The following POTEC variants were observed in gnomAD, a reference collection of about 807,000 sequenced individuals.
POTEC encodes the protein POTE ankyrin domain family member C.
In POTEC, 35 loss-of-function variants were observed where a neutral mutation model predicts 62.0. The ratio of observed to expected loss-of-function variants is 0.56; its 90% CI spans 0.43 to 0.75. The LOEUF is 0.75. Among genes scored for constraint, POTEC ranks in the 30% least tolerant of loss-of-function variants. POTEC has a pLI of 0.00. For synonymous variants in POTEC, 156 were observed against 221.5 expected (o/e 0.70, Z 2.62); for missense variants, 472 against 655.9 (o/e 0.72, Z 3.06).
At chr18:14,527,293 A>C (rs1567912782) in intron 6 of POTEC, among the ~76,000 whole-genome samples, 2 of 152,178 alleles carry the variant, frequency 1.3e-5, no homozygotes, top group Non-Finnish European at 2.9e-5. Flanking sequence ...TAAAGGAAGA[A>C]CAGAAAAATG....
rs530467322 is a variant in POTEC at position 14,534,671 on chromosome 18, AC to A, written c.917+229del. Among the ~76,000 whole-genome samples, 463 of 149,996 alleles carry A rather than the reference AC, an allele frequency of 3.1e-3. 3 individuals carry two copies. Among genetic ancestry groups the A allele is most frequent in the Middle Eastern group, 6.8e-3 (2 of 294 alleles). ...CTAACATAAGATCATGTAACCAAAA[AC>A]ATCATACAACAAATAACATCAGTCA... On this transcript the variant is annotated intron_variant, in intron 4 of 10. Transcript: ENST00000358970.
At chr18:14,530,046 C>A (rs1192823757) in intron 6 of POTEC, among the ~76,000 whole-genome samples, 2 of 151,954 alleles carry the variant, frequency 1.3e-5, no homozygotes, top group Non-Finnish European at 2.9e-5. Flanking sequence ...CTTACGGCCA[C>A]ACCCCATGGC....
In POTEC at chr18:14,511,732, C is replaced by CA; in HGVS notation, c.*165dup. 2.8e-6 allele frequency: 2 copies of CA among 705,608 alleles called. No homozygotes were observed. Among genetic ancestry groups the CA allele is most frequent in the Non-Finnish European group, 5.1e-6 (2 of 395,884 alleles). The allele number at this position is 705,608 out of a possible 1,614,324, so 43.7% of individuals were successfully genotyped here. On this transcript the variant is annotated 3_prime_UTR_variant, in exon 11 of 11. Coordinates refer to ENST00000358970, the MANE Select transcript of POTEC (RefSeq NM_001137671.2). ...TCTCCAGTTCAGAACTGAGCATTCT[C>CA]AGTTGTCAAAATCCTAAGCTGTCCA...
chr18:14,513,590 T>C (rs1334087806), intron 10 of POTEC, 72 bp downstream of exon 10: 5 of 1,521,476 alleles, frequency 3.3e-6, no homozygotes, highest in Non-Finnish European at 4.4e-6. Flanking sequence ...AAATCCTTTA[T>C]ACCTTCCAAA....
At chr18:14,528,977 GTTC>G (rs1910509195) in intron 6 of POTEC, 1 of 454,232 alleles carries the variant, frequency 2.2e-6, no homozygotes, top group Non-Finnish European at 4.4e-6. Flanking sequence ...CTCATTAGAT[GTTC>G]TTCTGGCAAA....
At chr18:14,520,179 C>A (rs567315953) in intron 9 of POTEC, among the ~76,000 whole-genome samples, 4 of 152,182 alleles carry the variant, frequency 2.6e-5, no homozygotes, top group African/African-American at 9.6e-5. Context: ...AAGTAATAGA[C>A]AAATAGTTTC....
In POTEC at chr18:14,511,635, G is replaced by A; in HGVS notation, c.*263C>T. 1.8e-6 allele frequency: 1 copy of A among 555,080 alleles called. No homozygotes were observed. The highest frequency in any genetic ancestry group is 3.2e-6 in the Non-Finnish European group (1 of 312,550). The allele number at this position is 555,080 out of a possible 1,614,324, so 34.4% of individuals were successfully genotyped here. A position where few individuals can be genotyped will look rare whatever the true frequency, so the allele number is the denominator to read the frequency against. Reference sequence around the variant, plus strand: ...GCTATCTGACTTTGATCACAATCATGTAGAGCAGTAGTCAGTCTACAATGA... The same window carrying A: ...GCTATCTGACTTTGATCACAATCATATAGAGCAGTAGTCAGTCTACAATGA... On this transcript the variant is annotated 3_prime_UTR_variant, in exon 11 of 11. Transcript: ENST00000358970.
At chr18:14,516,445 G>A (rs1457546100) in intron 9 of POTEC, among the ~76,000 whole-genome samples, 12 of 130,376 alleles carry the variant, frequency 9.2e-5, no homozygotes, top group Non-Finnish European at 1.6e-4. Flanking sequence ...GAAGGTAAAG[G>A]GGAAGCAGGC....
Position 14,543,300 on chromosome 18 carries a change from T to C in POTEC, c.-154A>G, listed in dbSNP as rs1392051742. 2 of 1,340,916 alleles carry C rather than the reference T, an allele frequency of 1.5e-6. No individual in the cohort carries two copies. Among genetic ancestry groups the C allele is most frequent in the Non-Finnish European group, 1.0e-6 (1 of 988,012 alleles). The allele number at this position is 1,340,916 out of a possible 1,614,324, so 83.1% of individuals were successfully genotyped here. On this transcript the variant is annotated 5_prime_UTR_variant, in exon 1 of 11. Coordinates refer to ENST00000358970, the MANE Select transcript of POTEC (RefSeq NM_001137671.2). Reference sequence around the variant, plus strand: ...TGCCAACCCCAGCAAGGGAGCCCAGTCCACCCCACCCAGGGAAAACCCACA... The same window carrying C: ...TGCCAACCCCAGCAAGGGAGCCCAGCCCACCCCACCCAGGGAAAACCCACA...
chr18:14,515,744 T>C (rs192425262), intron 9 of POTEC, among the ~76,000 whole-genome samples: 10,081 of 151,678 alleles, frequency 0.066, 362 homozygotes, highest in Middle Eastern at 0.11. Context: ...CAACAACCTA[T>C]ACAATGGGGA....
At chr18:14,527,385 G>T (rs1910465368) in intron 6 of POTEC, among the ~76,000 whole-genome samples, 1 of 152,064 alleles carries the variant, frequency 6.6e-6, no homozygotes, top group African/African-American at 2.4e-5. Flanking sequence ...TGATTTTTTA[G>T]AAGTCAGAAC....
At position 14,543,342 on chromosome 18, in the gene POTEC, C is replaced by T; in HGVS notation, c.-196G>A. 1.0e-6 allele frequency: 1 copy of T among 972,400 alleles called. No homozygotes were observed. The highest frequency in any genetic ancestry group is 1.5e-6 in the Non-Finnish European group (1 of 667,252). 60.2% of individuals were successfully genotyped at this position (972,400 alleles called of 1,614,324 possible). A position where few individuals can be genotyped will look rare whatever the true frequency, so the allele number is the denominator to read the frequency against. ...AAACCCACACCCACCCGGGGAAAGC[C>T]CACGCCCACCAGGGGGACCCAACGC... On this transcript the variant is annotated 5_prime_UTR_variant, in exon 1 of 11. Transcript: ENST00000358970.
At position 14,543,239 on chromosome 18, in the gene POTEC, T is replaced by C. The variant is rs1598483468; in HGVS notation, c.-93A>G. On this transcript the variant is annotated 5_prime_UTR_variant, in exon 1 of 11. Coordinates refer to ENST00000358970, the MANE Select transcript of POTEC (RefSeq NM_001137671.2). Reference sequence around the variant, plus strand: ...CTAGCAGGAAACCCTGGGTTTCCAATCTGTTTGAAGAGAAAGGTCAATCCC... The same window carrying C: ...CTAGCAGGAAACCCTGGGTTTCCAACCTGTTTGAAGAGAAAGGTCAATCCC... 3.3e-6 allele frequency: 5 copies of C among 1,535,850 alleles called. No homozygotes were observed. The highest frequency in any genetic ancestry group is 4.4e-6 in the Non-Finnish European group (5 of 1,128,318).
At chr18:14,527,246 T>C (rs1296091475) in intron 6 of POTEC, among the ~76,000 whole-genome samples, 4 of 152,170 alleles carry the variant, frequency 2.6e-5, no homozygotes, top group Admixed American at 2.6e-4. Flanking sequence ...ACACTCTTTC[T>C]CTTACTTCTT....
chr18:14,524,120 G>A (rs1567911992), intron 7 of POTEC, among the ~76,000 whole-genome samples: 4 of 152,074 alleles, frequency 2.6e-5, no homozygotes, highest in Admixed American at 2.0e-4. Context: ...CTTAAGTCCA[G>A]TTCTAATATA....
chr18:14,519,908 T>C (rs1400944941), intron 9 of POTEC, among the ~76,000 whole-genome samples: 1 of 152,038 alleles, frequency 6.6e-6, no homozygotes, highest in Admixed American at 6.6e-5. Flanking sequence ...AGGGAGGAGA[T>C]GTCCTCCATT....
chr18:14,514,176 A>C (rs1254757598), intron 9 of POTEC, among the ~76,000 whole-genome samples: 1 of 152,130 alleles, frequency 6.6e-6, no homozygotes, highest in Non-Finnish European at 1.5e-5. Flanking sequence ...GGAGATGGTG[A>C]CAGATCATAA....
At chr18:14,536,992 G>T (rs1343034612) in intron 3 of POTEC, among the ~76,000 whole-genome samples, 2 of 151,272 alleles carry the variant, frequency 1.3e-5, no homozygotes, top group Non-Finnish European at 2.9e-5. Context: ...TCTACTCAAG[G>T]GTTTCCCACT....
At chr18:14,514,009 G>T (rs1005606125) in intron 9 of POTEC, among the ~76,000 whole-genome samples, 1 of 151,632 alleles carries the variant, frequency 6.6e-6, no homozygotes, top group Non-Finnish European at 1.5e-5. Flanking sequence ...GTGGGGGATG[G>T]TTCCAGGATG....
Sources: allele counts gnomAD v4.1 joint callset (sites outside exome capture counted in the v4.1 genomes callset), GRCh38; gene constraint gnomAD v4.1.1; transcripts MANE v1.5; gene names NCBI Gene and HGNC (gene_info 2026-07-23, HGNC 2026-07-21).